The following NEK10 variants were observed in gnomAD, a reference collection of about 807,000 sequenced individuals.
The protein encoded by NEK10 is serine/threonine-protein kinase Nek10.
In NEK10, 122 loss-of-function variants were observed where a neutral mutation model predicts 159.8. The ratio of observed to expected loss-of-function variants is 0.76; its 90% confidence interval spans 0.66 to 0.89. NEK10 has a LOEUF of 0.89. Among genes scored for constraint, NEK10 ranks in the 40% least tolerant of loss-of-function variants. The probability of loss-of-function intolerance (pLI) is 0.00; values close to 1 mark genes in which losing one functional copy is unlikely to be tolerated. For synonymous variants in NEK10, 466 were observed against 457.1 expected (o/e 1.02, Z -0.25); for missense variants, 1,342 against 1,323.1 (o/e 1.01, Z -0.22).
chr3:27,272,151 A>G (rs766565541), intron 22 of NEK10, among the ~76,000 whole-genome samples: 1 of 152,216 alleles, frequency 6.6e-6, no homozygotes, highest in Non-Finnish European at 1.5e-5. Flanking sequence ...CAGGGAACCC[A>G]GCTGTTCACA....
intron 23 of NEK10, among the ~76,000 whole-genome samples, chr3:27,253,916 C>A (rs996967544): frequency 7.2e-5 from 11 of 152,308 alleles, no homozygotes; most frequent in Admixed American, 5.9e-4. Flanking sequence ...ATACCTCAAG[C>A]AATGGCCCTC....
At chr3:27,237,583 T>C (rs1279174692) in intron 23 of NEK10, among the ~76,000 whole-genome samples, 1 of 151,360 alleles carries the variant, frequency 6.6e-6, no homozygotes, top group African/African-American at 2.4e-5. Flanking sequence ...TCTCAATTAT[T>C]AGTGGGAGCT....
chr3:27,201,183 T>C (rs1165562354), intron 25 of NEK10, among the ~76,000 whole-genome samples: 1 of 152,240 alleles, frequency 6.6e-6, no homozygotes, highest in Non-Finnish European at 1.5e-5. Flanking sequence ...ATTTTTTGCA[T>C]ATTTTTATGA....
At chr3:27,356,802 T>A (rs1223443192) in intron 1 of NEK10, among the ~76,000 whole-genome samples, 1 of 152,172 alleles carries the variant, frequency 6.6e-6, no homozygotes, top group Non-Finnish European at 1.5e-5. Context: ...CTTCTGGAGT[T>A]CATCAACATC....
intron 23 of NEK10, chr3:27,252,972 T>C (rs765104994): frequency 1.3e-5 from 6 of 463,604 alleles, no homozygotes; most frequent in Admixed American, 7.2e-5. Context: ...GAGTGTATTA[T>C]AGCTTTCTTA....
chr3:27,180,112 G>T (rs1324868254), intron 26 of NEK10, among the ~76,000 whole-genome samples: 2 of 151,828 alleles, frequency 1.3e-5, no homozygotes, highest in South Asian at 2.1e-4. Flanking sequence ...AAGAAACAAT[G>T]GGCCAGGCAT....
intron 30 of NEK10, among the ~76,000 whole-genome samples, chr3:27,153,106 G>C (rs1412444751): frequency 6.6e-6 from 1 of 152,106 alleles, no homozygotes; most frequent in Admixed American, 6.6e-5. Context: ...AGATCATGAG[G>C]TCAGGAGATC....
At chr3:27,199,349 T>C (rs986216759) in intron 25 of NEK10, among the ~76,000 whole-genome samples, 2 of 152,136 alleles carry the variant, frequency 1.3e-5, no homozygotes, top group Non-Finnish European at 2.9e-5. Flanking sequence ...CCAACAAGCA[T>C]GAAATAAAGC....
At chr3:27,156,764 G>A (rs1035011351) in intron 30 of NEK10, among the ~76,000 whole-genome samples, 3 of 150,686 alleles carry the variant, frequency 2.0e-5, no homozygotes, top group Non-Finnish European at 3.0e-5. Context: ...AGAACTAAAA[G>A]TTCTTTAAGC....
chr3:27,113,598 T>G (rs910696502), intron 35 of NEK10, among the ~76,000 whole-genome samples: 2 of 152,140 alleles, frequency 1.3e-5, no homozygotes, highest in Non-Finnish European at 1.5e-5. Flanking sequence ...TCATAATAGA[T>G]TCACAATTAC....
intron 23 of NEK10, among the ~76,000 whole-genome samples, chr3:27,231,359 G>A (rs990142840): frequency 2.0e-5 from 3 of 151,872 alleles, no homozygotes; most frequent in Non-Finnish European, 4.4e-5. Flanking sequence ...GTGCTAAAAG[G>A]AAAGTTCATA....
chr3:27,249,933 G>C (rs1265492937), intron 23 of NEK10, among the ~76,000 whole-genome samples: 3 of 152,166 alleles, frequency 2.0e-5, no homozygotes, highest in African/African-American at 7.2e-5. Flanking sequence ...CAAATACTAT[G>C]TTGTAACCCA....
At position 27,119,785 on chromosome 3, in the gene NEK10, G is replaced by C; in HGVS notation, c.3165C>G (p.Asn1055Lys). 1.2e-6 allele frequency: 2 copies of C among 1,613,936 alleles called. No individual in the cohort carries two copies. The highest frequency in any genetic ancestry group is 1.7e-6 in the Non-Finnish European group (2 of 1,179,830). The change falls in exon 33 of 36, where the codon AAC (asparagine) becomes AAG (lysine). Residue 1055 changes from asparagine to lysine, a missense_variant. Transcript: ENST00000691995. ...YHLLHRSSGG[N>K]SLSPNDPTGL... ...CTGTAGGGTCATTTGGGGACAGGCT[G>C]TTTCCACCGGATGAACGATGTAATA... is the stretch of plus-strand genomic sequence containing the variant.
At chr3:27,170,039 G>A (rs919428687) in intron 29 of NEK10, among the ~76,000 whole-genome samples, 2 of 152,142 alleles carry the variant, frequency 1.3e-5, no homozygotes, top group African/African-American at 4.8e-5. Flanking sequence ...TGGCTCCTAT[G>A]CCTTCCCAAG....
chr3:27,183,187 A>C (rs1052803457), intron 26 of NEK10, among the ~76,000 whole-genome samples: 28 of 151,992 alleles, frequency 1.8e-4, no homozygotes, highest in Non-Finnish European at 3.4e-4. Context: ...TCACATGTAC[A>C]CCATAAATAT....
intron 5 of NEK10, among the ~76,000 whole-genome samples, chr3:27,340,378 G>A (rs1002825557): frequency 3.3e-5 from 5 of 152,046 alleles, no homozygotes; most frequent in Admixed American, 6.6e-5. Flanking sequence ...GCAAAAGGAG[G>A]GAGAGCATTA....
intron 23 of NEK10, among the ~76,000 whole-genome samples, chr3:27,224,944 C>A (rs1218978504): frequency 1.3e-5 from 2 of 152,150 alleles, no homozygotes; most frequent in Non-Finnish European, 1.5e-5. Flanking sequence ...AGATCCAGAG[C>A]TATTTTTGCA....
Position 27,321,039 on chromosome 3 carries a change from T to C in NEK10, c.447+1138A>G, listed in dbSNP as rs867492222. On this transcript the variant is annotated intron_variant, in intron 6 of 35. Transcript: ENST00000691995. ...CAGAGGATGGTTACTTTTCCAAACT[T>C]GGCACTTAAAGGAAACATATTCTGA... Among the ~76,000 whole-genome samples the C allele has an allele frequency of 3.4e-4, 52 of 152,256 alleles. No individual in the cohort carries two copies. In the Middle Eastern group the frequency reaches 0.017, roughly 50 times the overall value.
chr3:27,207,906 A>G (rs1231795400), intron 23 of NEK10, among the ~76,000 whole-genome samples: 1 of 152,238 alleles, frequency 6.6e-6, no homozygotes, highest in East Asian at 1.9e-4. Flanking sequence ...GACATAATTA[A>G]GTCTGTGTGC....
Sources: gnomAD v4.1 joint callset for allele counts (sites outside exome capture counted in the v4.1 genomes callset) on GRCh38, gnomAD v4.1.1 for gene constraint, MANE v1.5 for transcripts, NCBI Gene and HGNC (gene_info 2026-07-23, HGNC 2026-07-21) for gene names.